Variants in AKAP13 observed in about 807,000 individuals in gnomAD.
AKAP13 encodes A-kinase anchoring protein 13.
In AKAP13, 80 loss-of-function variants were observed where a neutral mutation model predicts 264.5. That is an observed-to-expected ratio of 0.30 (90% CI 0.25 to 0.36). AKAP13 has a LOEUF of 0.36. AKAP13 is among the 10% of genes least tolerant of loss of function. The pLI is 1.00. For synonymous variants in AKAP13, 1,380 were observed against 1,250.2 expected, an observed-to-expected ratio of 1.10 and a Z score of -2.19; for missense variants, 3,712 against 3,435.2, an observed-to-expected ratio of 1.08 and a Z score of -2.01.
intron 1 of AKAP13, among the ~76,000 whole-genome samples, chr15:85,444,422 C>G (rs2073828680): frequency 6.6e-6 from 1 of 152,132 alleles, no homozygotes; most frequent in African/African-American, 2.4e-5. Context: ...AAATGAAATC[C>G]TAAAGGCAAT....
chr15:85,619,639 C>A (rs187782558), intron 8 of AKAP13: 48 of 986,378 alleles, frequency 4.9e-5, no homozygotes, highest in Non-Finnish European at 5.5e-5. Context: ...TCTCCCTCTT[C>A]CTGGCAAAGT....
At chr15:85,590,496 A>T (rs920146358) in intron 8 of AKAP13, among the ~76,000 whole-genome samples, 4 of 152,204 alleles carry the variant, frequency 2.6e-5, no homozygotes, top group African/African-American at 9.7e-5. Context: ...CTTACTTTAA[A>T]GGTCCAGTGC....
chr15:85,592,243 T>A (rs949812598), intron 8 of AKAP13, among the ~76,000 whole-genome samples: 8 of 152,172 alleles, frequency 5.3e-5, no homozygotes, highest in African/African-American at 7.2e-5. Context: ...AACACTCTGT[T>A]TTCTTTCTGT....
At chr15:85,478,788 G>T (rs2075262549) in intron 1 of AKAP13, among the ~76,000 whole-genome samples, 1 of 151,816 alleles carries the variant, frequency 6.6e-6, no homozygotes, top group Admixed American at 6.6e-5. Context: ...TGATAGTGGG[G>T]CAGAGCAGGG....
At chr15:85,498,444 T>C (rs1319469295) in intron 2 of AKAP13, among the ~76,000 whole-genome samples, 1 of 152,084 alleles carries the variant, frequency 6.6e-6, no homozygotes, top group African/African-American at 2.4e-5. Context: ...TTACTTTATC[T>C]CCTCACCCAT....
Position 85,702,878 on chromosome 15 carries a change from T to C in AKAP13, c.5465-5141T>C, listed in dbSNP as rs2086014298. 3.9e-5 allele frequency: 6 copies of C among 152,338 alleles called. No homozygotes were observed. The South Asian group carries it at 1.2e-3, about 32-fold the overall frequency. The allele number at this position is 152,338 out of a possible 1,614,324, so 9.4% of individuals were successfully genotyped here. ...TGTTCTTTCCAGCTGCCACAAATAA[T>C]TTGTTCTTTGAAAAGCTTAGTGACT... On this transcript the variant is annotated intron_variant, in intron 17 of 36. Coordinates refer to ENST00000394518, the MANE Select transcript of AKAP13 (RefSeq NM_007200.5).
chr15:85,409,658 G>A (rs180793042), intron 1 of AKAP13, among the ~76,000 whole-genome samples: 10 of 134,460 alleles, frequency 7.4e-5, no homozygotes, highest in South Asian at 4.7e-4. Context: ...ACAGAGTCTC[G>A]CTTTGTCTGT....
At chr15:85,649,999 A>T (rs914405912) in intron 10 of AKAP13, among the ~76,000 whole-genome samples, 5 of 152,192 alleles carry the variant, frequency 3.3e-5, no homozygotes, top group Non-Finnish European at 4.4e-5. Flanking sequence ...CAATTGATTT[A>T]AAAAAATCAG....
chr15:85,660,897 C>T (rs2083313577), intron 12 of AKAP13, among the ~76,000 whole-genome samples: 1 of 152,158 alleles, frequency 6.6e-6, no homozygotes, highest in African/African-American at 2.4e-5. Flanking sequence ...TACATCCTCC[C>T]ACCCATTTTC....
In AKAP13 at chr15:85,528,901, ATT is replaced by A. The variant is rs1350671673; in HGVS notation, c.182-4680_182-4679del. Among the ~76,000 whole-genome samples the A allele has an allele frequency of 3.9e-5, 6 of 152,056 alleles. 1 individual carries two copies. The highest frequency in any genetic ancestry group is 2.6e-4 in the Admixed American group (4 of 15,274). On this transcript the variant is annotated intron_variant, in intron 3 of 36. Coordinates refer to ENST00000394518, the MANE Select transcript of AKAP13 (RefSeq NM_007200.5). The stretch of plus-strand genomic sequence containing the variant: ...TAGCTGCCTTCATAAGTTCAGTAAA[ATT>A]TTCAGAACTTCCCTTTTTAAAAAAA...
At chr15:85,541,407 AT>A (rs941496327) in intron 4 of AKAP13, among the ~76,000 whole-genome samples, 2 of 152,192 alleles carry the variant, frequency 1.3e-5, no homozygotes, top group African/African-American at 4.8e-5. Context: ...GTGTCTGGCT[AT>A]TTGCTGTGTG....
intron 8 of AKAP13, chr15:85,620,150 C>A: frequency 6.5e-7 from 1 of 1,536,086 alleles, no homozygotes; most frequent in Non-Finnish European, 8.7e-7. Context: ...GTGGACAGGA[C>A]TGTGGACGTG....
chr15:85,589,805 A>G (rs2079516461), intron 8 of AKAP13, among the ~76,000 whole-genome samples: 1 of 151,868 alleles, frequency 6.6e-6, no homozygotes. Context: ...GCCCCTGCCT[A>G]ATAAATACTT....
In AKAP13 at chr15:85,684,723, C is replaced by T; in HGVS notation, c.5157-18C>T. On this transcript the variant is annotated intron_variant, in intron 15 of 36. Coordinates refer to ENST00000394518, the MANE Select transcript of AKAP13 (RefSeq NM_007200.5). ...CTGTAGCCCTTTAAAAAAAATCAAT[C>T]TTCTTGTTTTTATTTAGTATAACAG... The T allele has an allele frequency of 6.3e-7, 1 of 1,598,082 alleles. No individual in the cohort carries two copies.
intron 5 of AKAP13, among the ~76,000 whole-genome samples, chr15:85,562,672 CTTTCT>C (rs1182740449): frequency 2.2e-3 from 247 of 111,872 alleles, no homozygotes; most frequent in Non-Finnish European, 3.3e-3. Context: ...CTTTCCTTTT[CTTTCT>C]TTTCTTTTCT....
intron 1 of AKAP13, among the ~76,000 whole-genome samples, chr15:85,438,720 G>A (rs1311616758): frequency 6.6e-6 from 1 of 151,330 alleles, no homozygotes; most frequent in Non-Finnish European, 1.5e-5. Flanking sequence ...AATGGGGAAA[G>A]GATTCCCTAT....
intron 12 of AKAP13, chr15:85,662,491 A>G (rs2083401789): frequency 6.2e-7 from 1 of 1,611,788 alleles, no homozygotes; most frequent in Admixed American, 1.7e-5. Flanking sequence ...CAAATGGGGA[A>G]CCATAAAATA....
In AKAP13 at chr15:85,531,295, T is replaced by G. The variant is rs1363651251; in HGVS notation, c.182-2289T>G. Among the ~76,000 whole-genome samples, 4 of 152,212 alleles carry G rather than the reference T, an allele frequency of 2.6e-5. No homozygotes were observed. The East Asian group carries it at 7.7e-4, about 29-fold the overall frequency. On this transcript the variant is annotated intron_variant, in intron 3 of 36. Transcript: ENST00000394518. ...TTAGATAGGAAAGTTCTTGTAGAAC[T>G]CCTCTCATTTTGACTTCATTGCAGT...
At chr15:85,419,973 G>A (rs1349236522) in intron 1 of AKAP13, among the ~76,000 whole-genome samples, 6 of 111,422 alleles carry the variant, frequency 5.4e-5, no homozygotes, top group African/African-American at 2.1e-4. Context: ...ACGGAGTCTC[G>A]CTCTGTTGCC....
Sources: allele counts gnomAD v4.1 joint callset (sites outside exome capture counted in the v4.1 genomes callset), GRCh38; gene constraint gnomAD v4.1.1; transcripts MANE v1.5; gene names NCBI Gene and HGNC (gene_info 2026-07-23, HGNC 2026-07-21).